The following KIAA0930 variants were observed in gnomAD, a reference collection of about 807,000 sequenced individuals.
The protein encoded by KIAA0930 is KIAA0930, also known as uncharacterized protein KIAA0930.
Under a neutral mutation model 43.9 loss-of-function variants are expected in KIAA0930, and 24 were observed. The observed-to-expected ratio is 0.55, with a 90% CI of 0.40 to 0.77. The LOEUF is 0.77. Among genes scored for constraint, KIAA0930 ranks in the 30% least tolerant of loss-of-function variants. The pLI is 0.00. For synonymous variants in KIAA0930, 259 were observed against 216.4 expected, an observed-to-expected ratio of 1.20 and a Z score of -1.73; for missense variants, 461 against 574.2, an observed-to-expected ratio of 0.80 and a Z score of 2.02.
At chr22:45,207,256 C>T (rs1317981669) in intron 2 of KIAA0930, among the ~76,000 whole-genome samples, 2 of 151,560 alleles carry the variant, frequency 1.3e-5, no homozygotes, top group Admixed American at 1.3e-4. Flanking sequence ...AGTGATCTAC[C>T]CACCTCGGCC....
chr22:45,232,507 C>A (rs2083860107), intron 1 of KIAA0930, among the ~76,000 whole-genome samples: 1 of 152,196 alleles, frequency 6.6e-6, no homozygotes, highest in Non-Finnish European at 1.5e-5. Context: ...CCTGATTCTT[C>A]ACCCTGTTTG....
At chr22:45,224,335 G>C (rs899361231) in intron 1 of KIAA0930, among the ~76,000 whole-genome samples, 2 of 152,208 alleles carry the variant, frequency 1.3e-5, no homozygotes, top group Admixed American at 6.5e-5. Context: ...AAAAAAGTGA[G>C]GCCAGAATAA....
intron 7 of KIAA0930, among the ~76,000 whole-genome samples, chr22:45,201,586 G>A (rs2083589510): frequency 6.6e-6 from 1 of 152,216 alleles, no homozygotes; most frequent in Non-Finnish European, 1.5e-5. Flanking sequence ...TAGGACCAGG[G>A]AGAAGAACCA....
chr22:45,220,402 C>T (rs965005846), intron 1 of KIAA0930, among the ~76,000 whole-genome samples: 1 of 151,620 alleles, frequency 6.6e-6, no homozygotes, highest in Non-Finnish European at 1.5e-5. Flanking sequence ...TTGCAGTGAT[C>T]GAGATCGGGC....
intron 1 of KIAA0930, chr22:45,226,440 G>A (rs2083801332): frequency 4.9e-6 from 2 of 412,268 alleles, no homozygotes; most frequent in Non-Finnish European, 1.0e-5. Flanking sequence ...GGCGGGGGAG[G>A]CTCCTGCTGG....
At chr22:45,233,380 G>A (rs1163608299) in intron 1 of KIAA0930, among the ~76,000 whole-genome samples, 1 of 152,188 alleles carries the variant, frequency 6.6e-6, no homozygotes, top group Non-Finnish European at 1.5e-5. Flanking sequence ...AGTGGAACGG[G>A]TAAGCACAGG....
intron 2 of KIAA0930, among the ~76,000 whole-genome samples, chr22:45,210,827 G>GCCTGCCCGAGTGTGGCTCTCGTC: frequency 1.8e-5 from 1 of 54,318 alleles, no homozygotes; most frequent in South Asian, 9.8e-4. Flanking sequence ...CTGCACACCC[G>GCCTGCCCGAGTGTGGCTCTCGTC]CCACTGAAAC....
chr22:45,216,766 C>A (rs2083735115), intron 1 of KIAA0930, among the ~76,000 whole-genome samples: 1 of 152,036 alleles, frequency 6.6e-6, no homozygotes, highest in Non-Finnish European at 1.5e-5. Flanking sequence ...AGGTTTTCCC[C>A]ACCCTCAAGC....
chr22:45,213,249 C>T (rs1601817621), intron 1 of KIAA0930: 5 of 1,211,760 alleles, frequency 4.1e-6, no homozygotes, highest in South Asian at 2.5e-5. Flanking sequence ...CAGCCAGCCC[C>T]AGCCCTCGGC....
chr22:45,210,748 C>T (rs1382723114), intron 2 of KIAA0930, among the ~76,000 whole-genome samples: 1 of 152,240 alleles, frequency 6.6e-6, no homozygotes, highest in African/African-American at 2.4e-5. Context: ...TCCCAGAAAG[C>T]ATTCCCTGCC....
intron 1 of KIAA0930, among the ~76,000 whole-genome samples, chr22:45,232,258 C>T (rs2083858550): frequency 6.6e-6 from 1 of 152,240 alleles, no homozygotes; most frequent in African/African-American, 2.4e-5. Flanking sequence ...GGATAATCCA[C>T]ACGCTTCATA....
chr22:45,233,071 C>T (rs193135713), intron 1 of KIAA0930, among the ~76,000 whole-genome samples: 284 of 152,192 alleles, frequency 1.9e-3, no homozygotes, highest in African/African-American at 6.6e-3. Context: ...GGCATCACAG[C>T]CAGTCCCTCC....
At chr22:45,238,609 G>C (rs902861254) in intron 1 of KIAA0930, among the ~76,000 whole-genome samples, 11 of 152,308 alleles carry the variant, frequency 7.2e-5, no homozygotes, top group Admixed American at 4.6e-4. Context: ...ACATGAGTAG[G>C]GGCGGCTTTC....
At chr22:45,202,866 G>A (rs944196960) in intron 7 of KIAA0930, 124 bp downstream of exon 7, 8 of 800,980 alleles carry the variant, frequency 1.0e-5, no homozygotes, top group African/African-American at 3.5e-5. Flanking sequence ...TCGGCACCTC[G>A]GCCTGCGCAC....
At chr22:45,221,922 C>T (rs1400533934) in intron 1 of KIAA0930, among the ~76,000 whole-genome samples, 2 of 152,138 alleles carry the variant, frequency 1.3e-5, no homozygotes, top group East Asian at 1.9e-4. Flanking sequence ...TTAGTAGAGA[C>T]GGGGTATCAC....
chr22:45,215,898 G>A (rs2083728871), intron 1 of KIAA0930, among the ~76,000 whole-genome samples: 1 of 152,142 alleles, frequency 6.6e-6, no homozygotes, highest in African/African-American at 2.4e-5. Flanking sequence ...CGGGGAGGCG[G>A]GTGCCTGTAG....
At chr22:45,240,514 A>G in intron 1 of KIAA0930, 126 bp downstream of exon 1, 1 of 592,232 alleles carries the variant, frequency 1.7e-6, no homozygotes, top group Non-Finnish European at 2.9e-6. Context: ...ACCCAGGCAG[A>G]CCCAGAGACC....
rs371191545 is a variant in KIAA0930, at chr22:45,199,858, G to A, written c.1015+15C>T. 2.2e-5 allele frequency: 34 copies of A among 1,544,970 alleles called. No homozygotes were observed. The highest frequency in any genetic ancestry group is 1.2e-4 in the African/African-American group (9 of 72,090). On this transcript the variant is annotated intron_variant, in intron 8 of 9. Transcript: ENST00000336156. ...GAAGGGCACGGGGACCCTAGGGCAC[G>A]GAGTGGGGGGTCACCTCCACCGTCG...
intron 8 of KIAA0930, 107 bp downstream of exon 8, chr22:45,199,766 G>A: frequency 8.5e-7 from 1 of 1,182,836 alleles, no homozygotes; most frequent in Non-Finnish European, 1.2e-6. Flanking sequence ...CTCTCTAAGT[G>A]CTGCTGAATG....
Sources: gnomAD v4.1 joint callset for allele counts (sites outside exome capture counted in the v4.1 genomes callset) on GRCh38, gnomAD v4.1.1 for gene constraint, MANE v1.5 for transcripts, NCBI Gene and HGNC (gene_info 2026-07-23, HGNC 2026-07-21) for gene names.